The following TAFA1 variants were observed in gnomAD, a reference collection of about 807,000 sequenced individuals.
TAFA1 encodes the protein chemokine-like protein TAFA-1.
TAFA1 carries 4 observed loss-of-function variants against 18.5 expected under a neutral mutation model. The ratio of observed to expected loss-of-function variants is 0.22; its 90% confidence interval spans 0.11 to 0.49. TAFA1 has a LOEUF of 0.49. TAFA1 is among the 20% of genes least tolerant of loss of function. TAFA1 has a pLI of 0.98. For synonymous variants in TAFA1, 56 were observed against 55.2 expected (o/e 1.01, Z -0.06); for missense variants, 147 against 169.0 (o/e 0.87, Z 0.72).
intron 2 of TAFA1, among the ~76,000 whole-genome samples, chr3:68,143,374 T>A (rs139281876): frequency 7.9e-5 from 12 of 152,276 alleles, no homozygotes; most frequent in Non-Finnish European, 1.5e-4. Context: ...AGAAATTTAG[T>A]CCCATTACAG....
chr3:68,507,968 A>G (rs1172836607), intron 3 of TAFA1, among the ~76,000 whole-genome samples: 1 of 152,170 alleles, frequency 6.6e-6, no homozygotes, highest in Non-Finnish European at 1.5e-5. Context: ...TTGCCAGCCC[A>G]TGCTGCCATA....
At chr3:68,009,022 C>T (rs1463577149) in intron 2 of TAFA1, among the ~76,000 whole-genome samples, 1 of 152,164 alleles carries the variant, frequency 6.6e-6, no homozygotes, top group Admixed American at 6.5e-5. Context: ...TTACTGATGT[C>T]CCCCCTTAAT....
chr3:68,472,503 T>TACAC (rs144677943), intron 3 of TAFA1, among the ~76,000 whole-genome samples: 1,473 of 141,186 alleles, frequency 0.01, 17 homozygotes, highest in African/African-American at 0.029. Context: ...TAGAACTAAA[T>TACAC]ACACACACAC....
Position 68,320,840 on chromosome 3 carries a change from G to A in TAFA1, c.119-96440G>A, listed in dbSNP as rs1238898542. ...AGGCTGCACCCCAGAGGGAGCCAAA[G>A]CAGTGCTCCTGCTTACCTCCTTCTC... On this transcript the variant is annotated intron_variant, in intron 2 of 4. Transcript: ENST00000478136. Among the ~76,000 whole-genome samples the A allele has an allele frequency of 2.6e-5, 4 of 152,212 alleles. No individual in the cohort carries two copies. The East Asian group carries it at 7.7e-4, about 29-fold the overall frequency.
chr3:68,286,603 A>G (rs2068013367), intron 2 of TAFA1, among the ~76,000 whole-genome samples: 1 of 152,212 alleles, frequency 6.6e-6, no homozygotes, highest in Admixed American at 6.5e-5. Flanking sequence ...CAAGAAAGTT[A>G]GGAATTGCAA....
chr3:68,340,558 C>T (rs1033008491), intron 2 of TAFA1, among the ~76,000 whole-genome samples: 1 of 152,134 alleles, frequency 6.6e-6, no homozygotes, highest in African/African-American at 2.4e-5. Context: ...AGCAACTGAC[C>T]TCTCCCCCTG....
chr3:68,542,195 G>T (rs2073388612), intron 4 of TAFA1, among the ~76,000 whole-genome samples: 1 of 152,130 alleles, frequency 6.6e-6, no homozygotes, highest in African/African-American at 2.4e-5. Context: ...ACCTTGAAAG[G>T]TTTTCCAAGA....
intron 2 of TAFA1, among the ~76,000 whole-genome samples, chr3:68,294,073 T>G (rs2068163381): frequency 6.6e-6 from 1 of 152,224 alleles, no homozygotes; most frequent in Non-Finnish European, 1.5e-5. Context: ...GATGTTTTCT[T>G]GAGTCCTTCT....
At chr3:68,157,601 A>G (rs1022613906) in intron 2 of TAFA1, among the ~76,000 whole-genome samples, 1 of 152,184 alleles carries the variant, frequency 6.6e-6, no homozygotes, top group Non-Finnish European at 1.5e-5. Context: ...TATGTTTCCC[A>G]TTTATTTAAC....
At chr3:68,322,936 C>A (rs1175718995) in intron 2 of TAFA1, among the ~76,000 whole-genome samples, 1 of 152,078 alleles carries the variant, frequency 6.6e-6, no homozygotes, top group Non-Finnish European at 1.5e-5. Flanking sequence ...GAGCAAGACT[C>A]TGTCTCAAAA....
intron 2 of TAFA1, among the ~76,000 whole-genome samples, chr3:68,400,536 C>T (rs1009325855): frequency 3.3e-5 from 5 of 152,168 alleles, no homozygotes; most frequent in African/African-American, 1.2e-4. Flanking sequence ...CAGTAATCCT[C>T]CCAACTATAA....
chr3:68,262,290 T>G (rs529446376), intron 2 of TAFA1, among the ~76,000 whole-genome samples: 1 of 133,014 alleles, frequency 7.5e-6, no homozygotes, highest in Admixed American at 7.6e-5. Flanking sequence ...TTTCAGCTTT[T>G]ATTTTAGATA....
At chr3:68,166,884 T>C (rs945360702) in intron 2 of TAFA1, among the ~76,000 whole-genome samples, 3 of 152,100 alleles carry the variant, frequency 2.0e-5, no homozygotes, top group Non-Finnish European at 4.4e-5. Context: ...CCGTGAAGCC[T>C]TACCCAGTAG....
rs138790485 is a variant in TAFA1 at position 68,465,423 on chromosome 3, G to A, written c.259+48003G>A. On this transcript the variant is annotated intron_variant, in intron 3 of 4. Coordinates refer to ENST00000478136, the MANE Select transcript of TAFA1 (RefSeq NM_213609.4). Reference sequence around the variant, plus strand: ...AGTATAAGTCATTATTAATTTGGATGTTCCATTACTTGCAGCCAAATGCAT... The same window carrying A: ...AGTATAAGTCATTATTAATTTGGATATTCCATTACTTGCAGCCAAATGCAT... Among the ~76,000 whole-genome samples the A allele has an allele frequency of 4.7e-3, 720 of 152,260 alleles. 9 individuals carry two copies. The highest frequency in any genetic ancestry group is 0.016 in the African/African-American group (657 of 41,550).
At chr3:68,333,568 G>A (rs570773572) in intron 2 of TAFA1, among the ~76,000 whole-genome samples, 4 of 152,140 alleles carry the variant, frequency 2.6e-5, no homozygotes, top group Admixed American at 6.5e-5. Flanking sequence ...AAACCCCTGC[G>A]ACACAAAATC....
At chr3:68,523,596 C>A (rs1189635204) in intron 3 of TAFA1, among the ~76,000 whole-genome samples, 3 of 152,098 alleles carry the variant, frequency 2.0e-5, no homozygotes, top group Non-Finnish European at 4.4e-5. Context: ...AATATAGTAT[C>A]TGAATTTGAT....
intron 3 of TAFA1, among the ~76,000 whole-genome samples, chr3:68,525,971 G>C (rs1031135311): frequency 1.3e-5 from 2 of 152,096 alleles, no homozygotes; most frequent in African/African-American, 2.4e-5. Context: ...CATGTTCTCA[G>C]TTGTGATTCA....
intron 2 of TAFA1, among the ~76,000 whole-genome samples, chr3:68,119,811 C>A (rs543422597): frequency 6.6e-6 from 1 of 152,192 alleles, no homozygotes; most frequent in South Asian, 2.1e-4. Flanking sequence ...AAGTGTGGGA[C>A]CGTCAACCTT....
chr3:68,518,194 A>T (rs997970855), intron 3 of TAFA1, among the ~76,000 whole-genome samples: 1 of 152,168 alleles, frequency 6.6e-6, no homozygotes, highest in Non-Finnish European at 1.5e-5. Flanking sequence ...TGGGCATGTT[A>T]TGTAGCCTCC....
Sources: gnomAD v4.1 joint callset for allele counts (sites outside exome capture counted in the v4.1 genomes callset) on GRCh38, gnomAD v4.1.1 for gene constraint, MANE v1.5 for transcripts, NCBI Gene and HGNC (gene_info 2026-07-23, HGNC 2026-07-21) for gene names.